The following COL25A1 variants were observed in gnomAD, a reference collection of about 807,000 sequenced individuals.
The protein encoded by COL25A1 is collagen alpha-1(XXV) chain.
COL25A1 carries 103 observed loss-of-function variants against 128.4 expected under a neutral mutation model. The observed-to-expected ratio is 0.80, with a 90% CI of 0.68 to 0.94. COL25A1 has a LOEUF of 0.94. Ranked by LOEUF, COL25A1 falls within the 40% of genes least tolerant of loss-of-function variation. The probability of loss-of-function intolerance (pLI) is 0.00; values close to 1 mark genes in which losing one functional copy is unlikely to be tolerated. For synonymous variants in COL25A1, 279 were observed against 277.2 expected (o/e 1.01, Z -0.06); for missense variants, 745 against 840.0 (o/e 0.89, Z 1.40).
At chr4:109,286,803 G>A (rs183461457) in intron 3 of COL25A1, among the ~76,000 whole-genome samples, 6 of 152,238 alleles carry the variant, frequency 3.9e-5, no homozygotes, top group Admixed American at 2.6e-4. Flanking sequence ...CACCTAATTC[G>A]ATCTCTGTTC....
At chr4:108,830,729 C>T (rs1410251785) in intron 32 of COL25A1, among the ~76,000 whole-genome samples, 2 of 152,242 alleles carry the variant, frequency 1.3e-5, no homozygotes, top group Non-Finnish European at 1.5e-5. Flanking sequence ...ACTCTTGTGA[C>T]ATTGTGGAGC....
At chr4:108,930,372 G>C (rs1746584430) in intron 11 of COL25A1, among the ~76,000 whole-genome samples, 1 of 152,138 alleles carries the variant, frequency 6.6e-6, no homozygotes, top group South Asian at 2.1e-4. Context: ...CCAGCCACCT[G>C]ACCTTCAGGT....
rs185107617 is a variant in COL25A1 at position 109,128,566 on chromosome 4, C to T, written c.368-78387G>A. ...TACTCCTGCCTTTAAAAACTCTTAC[C>T]TGCAAGACATCAGGGAGTTCGGGTC... On this transcript the variant is annotated intron_variant, in intron 3 of 37. Coordinates refer to ENST00000399132, the MANE Select transcript of COL25A1 (RefSeq NM_198721.4). 1.1e-3 allele frequency among the ~76,000 whole-genome samples: 168 copies of T among 152,292 alleles called. 2 individuals carry two copies. Among genetic ancestry groups the T allele is most frequent in the African/African-American group, 3.9e-3 (162 of 41,546 alleles).
chr4:108,825,176 T>C lies in COL25A1; in HGVS notation c.1791+20A>G. The C allele has an allele frequency of 6.3e-7, 1 of 1,591,020 alleles. No individual in the cohort carries two copies. Among genetic ancestry groups the C allele is most frequent in the Non-Finnish European group, 8.6e-7 (1 of 1,159,420 alleles). The stretch of plus-strand genomic sequence containing the variant: ...AACATCTATTATAATAGGATGATGT[T>C]TATTGTACTTATTACTTACATCAAG... On this transcript the variant is annotated intron_variant, in intron 34 of 37. Transcript: ENST00000399132.
intron 3 of COL25A1, among the ~76,000 whole-genome samples, chr4:109,288,360 C>T (rs1464974951): frequency 6.6e-6 from 1 of 152,100 alleles, no homozygotes; most frequent in Admixed American, 6.6e-5. Context: ...TAAATACACA[C>T]AGTCAAAAAT....
intron 11 of COL25A1, among the ~76,000 whole-genome samples, chr4:108,926,813 T>C (rs1421346892): frequency 6.6e-6 from 1 of 151,980 alleles, no homozygotes; most frequent in Non-Finnish European, 1.5e-5. Flanking sequence ...TAGCCACTAT[T>C]ATATGTACGT....
intron 3 of COL25A1, among the ~76,000 whole-genome samples, chr4:109,168,906 C>A (rs376801164): frequency 2.6e-5 from 4 of 152,226 alleles, no homozygotes; most frequent in South Asian, 2.1e-4. Context: ...ATCCACACAT[C>A]GAGCAGCTTA....
intron 24 of COL25A1, among the ~76,000 whole-genome samples, chr4:108,855,189 C>CT (rs1736329488): frequency 2.3e-5 from 1 of 42,572 alleles, no homozygotes; most frequent in African/African-American, 7.8e-5. Context: ...GCTGTTGTTA[C>CT]TGTTTTTTTT....
At chr4:109,071,148 C>T (rs971392696) in intron 3 of COL25A1, among the ~76,000 whole-genome samples, 3 of 152,150 alleles carry the variant, frequency 2.0e-5, no homozygotes, top group African/African-American at 7.2e-5. Flanking sequence ...TACCACACAT[C>T]TACAACCATC....
chr4:108,886,492 G>GTGTGTGTGTGTGTGTTTTTT (rs58157157), intron 18 of COL25A1, among the ~76,000 whole-genome samples: 9 of 109,272 alleles, frequency 8.2e-5, no homozygotes, highest in East Asian at 7.4e-4. Flanking sequence ...GTGTGTGTGT[G>GTGTGTGTGTGTGTGTTTTTT]TTTAGCTCAT....
intron 28 of COL25A1, among the ~76,000 whole-genome samples, chr4:108,845,658 T>G (rs1734996215): frequency 6.6e-6 from 1 of 152,218 alleles, no homozygotes; most frequent in South Asian, 2.1e-4. Context: ...GTTTACTGCA[T>G]TTTTTAAAAC....
chr4:109,090,778 G>A (rs1392527142), intron 3 of COL25A1, among the ~76,000 whole-genome samples: 2 of 152,156 alleles, frequency 1.3e-5, no homozygotes, highest in Non-Finnish European at 2.9e-5. Context: ...TGAGCAGCAT[G>A]ATGTGATGTA....
intron 20 of COL25A1, among the ~76,000 whole-genome samples, chr4:108,866,582 A>G (rs1294369076): frequency 2.0e-5 from 3 of 152,230 alleles, no homozygotes; most frequent in African/African-American, 2.4e-5. Context: ...GCCATTGTAC[A>G]TCTTCCTTCA....
At chr4:109,062,620 A>G (rs1171923387) in intron 3 of COL25A1, among the ~76,000 whole-genome samples, 2 of 152,210 alleles carry the variant, frequency 1.3e-5, no homozygotes, top group Non-Finnish European at 2.9e-5. Context: ...TTTCATTAAT[A>G]GTGATTCTCA....
chr4:109,181,769 T>C (rs1336440390), intron 3 of COL25A1, among the ~76,000 whole-genome samples: 1 of 152,100 alleles, frequency 6.6e-6, no homozygotes, highest in Non-Finnish European at 1.5e-5. Flanking sequence ...TTATTAACTA[T>C]AGTCACCATG....
intron 3 of COL25A1, among the ~76,000 whole-genome samples, chr4:109,135,716 T>C (rs1007373714): frequency 6.6e-6 from 1 of 152,104 alleles, no homozygotes; most frequent in Non-Finnish European, 1.5e-5. Context: ...ACTTATTAAG[T>C]CATAAAGTCA....
At chr4:108,868,580 A>G (rs1034974252) in intron 20 of COL25A1, among the ~76,000 whole-genome samples, 29 of 134,998 alleles carry the variant, frequency 2.1e-4, no homozygotes, top group African/African-American at 7.7e-4. Flanking sequence ...AGAGAGAGAA[A>G]GAAGGAAGGA....
intron 3 of COL25A1, among the ~76,000 whole-genome samples, chr4:109,219,536 A>G (rs1044891035): frequency 1.3e-5 from 2 of 150,086 alleles, no homozygotes; most frequent in Non-Finnish European, 1.5e-5. Flanking sequence ...CACACTCCCA[A>G]TCTCTGTGTC....
chr4:109,214,019 T>C (rs2345417), intron 3 of COL25A1, among the ~76,000 whole-genome samples: 62,589 of 151,906 alleles, frequency 0.41, 14,737 homozygotes, highest in African/African-American at 0.64. Context: ...ATAGTCATCA[T>C]AGATTAGCCT....
Sources: allele counts gnomAD v4.1 joint callset (sites outside exome capture counted in the v4.1 genomes callset), GRCh38; gene constraint gnomAD v4.1.1; transcripts MANE v1.5; gene names NCBI Gene and HGNC (gene_info 2026-07-23, HGNC 2026-07-21).